REC114: variants seen among roughly 807,000 people sequenced by gnomAD.
REC114 encodes the protein meiotic recombination protein REC114.
A neutral mutation model predicts 31.3 loss-of-function variants in REC114; 27 were observed. That is an observed-to-expected ratio of 0.86 (90% CI 0.64 to 1.19). The LOEUF is 1.19. REC114 is among the 50% of genes most tolerant of loss of function. REC114 has a pLI of 0.00. For missense variants in REC114, 344 were observed against 326.9 expected, an observed-to-expected ratio of 1.05 and a Z score of -0.40; for synonymous variants, 134 against 127.7, an observed-to-expected ratio of 1.05 and a Z score of -0.33.
At chr15:73,510,271 G>T (rs1468855468) in intron 2 of REC114, among the ~76,000 whole-genome samples, 1 of 152,162 alleles carries the variant, frequency 6.6e-6, no homozygotes, top group Non-Finnish European at 1.5e-5. Flanking sequence ...AAGAATGCTT[G>T]TGATTTTTGC....
At chr15:73,500,420 C>A (rs929583586) in intron 2 of REC114, among the ~76,000 whole-genome samples, 2 of 150,622 alleles carry the variant, frequency 1.3e-5, no homozygotes, top group African/African-American at 2.4e-5. Flanking sequence ...TATGTATGCA[C>A]ATGTGCATTT....
intron 2 of REC114, among the ~76,000 whole-genome samples, chr15:73,537,111 CA>C (rs1324208492): frequency 6.6e-6 from 1 of 152,124 alleles, no homozygotes; most frequent in East Asian, 1.9e-4. Context: ...CATTAGCGAG[CA>C]AAACGAACTT....
At chr15:73,507,662 C>T (rs775772676) in intron 2 of REC114, among the ~76,000 whole-genome samples, 16 of 152,016 alleles carry the variant, frequency 1.1e-4, no homozygotes, top group Admixed American at 2.0e-4. Flanking sequence ...TGTACATGTA[C>T]GTACACATAT....
intron 1 of REC114, among the ~76,000 whole-genome samples, chr15:73,447,661 A>AAATG (rs1892786621): frequency 7.3e-6 from 1 of 136,310 alleles, no homozygotes; most frequent in Admixed American, 7.1e-5. Flanking sequence ...ATAAATAAAT[A>AAATG]AATAAATAAA....
At chr15:73,467,689 T>A (rs1893080415) in intron 1 of REC114, among the ~76,000 whole-genome samples, 1 of 152,188 alleles carries the variant, frequency 6.6e-6, no homozygotes, top group Admixed American at 6.5e-5. Context: ...AAATTTGGAA[T>A]TTTGATTGGG....
At chr15:73,457,065 CTTTTTTTTTTTT>C (rs934090597) in intron 1 of REC114, among the ~76,000 whole-genome samples, 1 of 68,014 alleles carries the variant, frequency 1.5e-5, no homozygotes, top group Non-Finnish European at 3.1e-5. Context: ...TATTTCTGAG[CTTTTTTTTTTTT>C]TTTTTTTTTT....
At chr15:73,513,246 A>G (rs1316042717) in intron 2 of REC114, among the ~76,000 whole-genome samples, 1 of 151,504 alleles carries the variant, frequency 6.6e-6, no homozygotes, top group Non-Finnish European at 1.5e-5. Context: ...TCGGCTCCTG[A>G]GGCTTCTGCA....
intron 2 of REC114, among the ~76,000 whole-genome samples, chr15:73,503,975 T>C (rs182539054): frequency 1.3e-4 from 20 of 151,406 alleles, no homozygotes; most frequent in Admixed American, 3.3e-4. Context: ...TGCTTTTATA[T>C]CTTAGAAATT....
At chr15:73,510,398 T>A (rs1893746139) in intron 2 of REC114, among the ~76,000 whole-genome samples, 1 of 152,084 alleles carries the variant, frequency 6.6e-6, no homozygotes, top group Admixed American at 6.6e-5. Context: ...ACAGGGACAA[T>A]TTGGCTTCCT....
At chr15:73,520,557 C>T (rs114473084) in intron 2 of REC114, among the ~76,000 whole-genome samples, 1,579 of 152,170 alleles carry the variant, frequency 0.01, 25 homozygotes, top group African/African-American at 0.036. Flanking sequence ...GATTGGTGCA[C>T]GTATCCAAAG....
chr15:73,485,618 C>T (rs144259592), intron 2 of REC114, among the ~76,000 whole-genome samples: 91 of 152,292 alleles, frequency 6.0e-4, no homozygotes, highest in African/African-American at 2.0e-3. Context: ...GTGGCGCTTG[C>T]TCACCACCTT....
At chr15:73,480,330 AAATT>A (rs1366173531) in intron 2 of REC114, among the ~76,000 whole-genome samples, 3 of 151,672 alleles carry the variant, frequency 2.0e-5, no homozygotes, top group Non-Finnish European at 2.9e-5. Flanking sequence ...AATAATAAAT[AAATT>A]ATTTAAATAA....
chr15:73,467,602 G>T (rs1893079399), intron 1 of REC114, among the ~76,000 whole-genome samples: 1 of 152,194 alleles, frequency 6.6e-6, no homozygotes, highest in African/African-American at 2.4e-5. Flanking sequence ...TCAGTACATA[G>T]TGGATACTTT....
chr15:73,456,338 CT>C lies in REC114; in HGVS notation c.159+13005del, dbSNP rs888255488. ...TGGTTGAACCTGACAACTTCTTAGA[CT>C]TTTTTTTTTTCCTTTCAAAGGGAAA... On this transcript the variant is annotated intron_variant, in intron 1 of 5. Coordinates refer to ENST00000331090, the MANE Select transcript of REC114 (RefSeq NM_001042367.2). Among the ~76,000 whole-genome samples, 617 of 145,028 alleles carry C rather than the reference CT, an allele frequency of 4.3e-3. 3 individuals carry two copies. The highest frequency in any genetic ancestry group is 0.013 in the African/African-American group (501 of 39,902).
intron 1 of REC114, among the ~76,000 whole-genome samples, chr15:73,472,374 T>G (rs1421151747): frequency 1.3e-5 from 2 of 152,230 alleles, no homozygotes; most frequent in East Asian, 3.8e-4. Flanking sequence ...GTATCCCCTT[T>G]GATATCTAAA....
chr15:73,504,516 A>G (rs1893649716), intron 2 of REC114, among the ~76,000 whole-genome samples: 1 of 152,114 alleles, frequency 6.6e-6, no homozygotes, highest in Admixed American at 6.6e-5. Flanking sequence ...GTTTGGCAAG[A>G]GGAATCCTAG....
intron 1 of REC114, among the ~76,000 whole-genome samples, chr15:73,457,895 T>A (rs1892938912): frequency 6.6e-6 from 1 of 152,228 alleles, no homozygotes; most frequent in African/African-American, 2.4e-5. Context: ...AACTGTGTGC[T>A]TCACACAGTC....
intron 2 of REC114, among the ~76,000 whole-genome samples, chr15:73,505,836 C>T (rs78128245): frequency 1.3e-5 from 2 of 152,170 alleles, no homozygotes; most frequent in African/African-American, 4.8e-5. Context: ...CCGGCCTGCA[C>T]TTCTCCTTCT....
At chr15:73,461,250 A>C (rs1435074784) in intron 1 of REC114, among the ~76,000 whole-genome samples, 3 of 152,146 alleles carry the variant, frequency 2.0e-5, no homozygotes, top group Admixed American at 1.3e-4. Context: ...TTTTATTAGC[A>C]TAATACACTC....
Sources: allele counts gnomAD v4.1 joint callset (sites outside exome capture counted in the v4.1 genomes callset), GRCh38; gene constraint gnomAD v4.1.1; transcripts MANE v1.5; gene names NCBI Gene and HGNC (gene_info 2026-07-23, HGNC 2026-07-21).